Variants in STARD13 observed in about 807,000 individuals in gnomAD.
STARD13 encodes the protein StAR related lipid transfer domain containing 13.
Under a neutral mutation model 106.4 loss-of-function variants are expected in STARD13, and 62 were observed. The observed-to-expected ratio is 0.58, with a 90% CI of 0.48 to 0.72. The LOEUF is 0.72. Ranked by LOEUF, STARD13 falls within the 30% of genes least tolerant of loss-of-function variation. The probability of loss-of-function intolerance (pLI) is 0.00; values close to 1 mark genes in which losing one functional copy is unlikely to be tolerated. For synonymous variants in STARD13, 565 were observed against 553.0 expected (o/e 1.02, Z -0.31); for missense variants, 1,387 against 1,424.0 (o/e 0.97, Z 0.42).
chr13:33,350,616 C>A (rs1309239978), exon 1 of STARD13: 1 of 1,381,550 alleles, frequency 7.2e-7, no homozygotes, highest in Admixed American at 3.2e-5. Flanking sequence ...ACCAGAAACG[C>A]CGCGCTAGGT....
At chr13:33,226,755 C>G (rs1419075568) in intron 1 of STARD13, among the ~76,000 whole-genome samples, 3 of 152,056 alleles carry the variant, frequency 2.0e-5, no homozygotes. Context: ...TTCTATTATT[C>G]AGATAAGAAC....
At chr13:33,660,615 C>T in the STARD13 span, among the ~76,000 whole-genome samples, 1 of 152,116 alleles carries the variant, frequency 6.6e-6, no homozygotes, top group African/African-American at 2.4e-5. Context: ...ACAAGATTTT[C>T]CTCTGTTGCC....
the STARD13 span, among the ~76,000 whole-genome samples, chr13:33,516,998 T>G: frequency 1.3e-5 from 2 of 151,884 alleles, no homozygotes; most frequent in Non-Finnish European, 2.9e-5. Flanking sequence ...GTAATTTTTG[T>G]GTGTTGATTA....
intron 1 of STARD13, among the ~76,000 whole-genome samples, chr13:33,217,378 C>T (rs1888103739): frequency 6.6e-6 from 1 of 152,208 alleles, no homozygotes; most frequent in Non-Finnish European, 1.5e-5. Context: ...CTTTCACCTC[C>T]ACTGCTTGGC....
At chr13:33,374,189 A>T in the STARD13 span, among the ~76,000 whole-genome samples, 2 of 152,336 alleles carry the variant, frequency 1.3e-5, no homozygotes, top group East Asian at 3.8e-4. Context: ...CTAGTCATAA[A>T]AGGAAAATAA....
chr13:33,607,042 AC>A, the STARD13 span, among the ~76,000 whole-genome samples: 1 of 150,128 alleles, frequency 6.7e-6, no homozygotes, highest in Admixed American at 6.6e-5. Context: ...TTGTCACGTG[AC>A]CTAGCATTTC....
chr13:33,542,996 C>T, the STARD13 span, among the ~76,000 whole-genome samples: 1 of 152,232 alleles, frequency 6.6e-6, no homozygotes, highest in Non-Finnish European at 1.5e-5. Context: ...TGTGGCGACT[C>T]TGAAGCGGAA....
the STARD13 span, among the ~76,000 whole-genome samples, chr13:33,553,583 C>CTT: frequency 7.1e-5 from 10 of 140,348 alleles, no homozygotes; most frequent in African/African-American, 1.0e-4. Flanking sequence ...AAACTAAGCA[C>CTT]TTTTTTTTTT....
rs1049659254 is a variant in STARD13, at chr13:33,118,126, C to G, written c.2220G>C (p.Arg740=). The G allele has an allele frequency of 2.5e-6, 4 of 1,614,020 alleles. No individual in the cohort carries two copies. Among genetic ancestry groups the G allele is most frequent in the Non-Finnish European group, 3.4e-6 (4 of 1,180,044 alleles). Residue 740 remains arginine, a synonymous_variant, in exon 8 of 14, where the codon CGG becomes CGC. Coordinates refer to ENST00000336934, the MANE Select transcript of STARD13 (RefSeq NM_178006.4). ...DVADMVKQFF[R]DLPEPLFTNK... is the part of the protein sequence containing the mutation. ...TGGTGAAAAGAGGCTCAGGGAGGTCCCGGAAGAACTGTTTCACCATATCCG... is the reference window on the plus strand; with the variant it reads ...TGGTGAAAAGAGGCTCAGGGAGGTCGCGGAAGAACTGTTTCACCATATCCG...
At chr13:33,450,110 C>T in the STARD13 span, among the ~76,000 whole-genome samples, 1 of 152,120 alleles carries the variant, frequency 6.6e-6, no homozygotes, top group Non-Finnish European at 1.5e-5. Context: ...GCTAGGACTT[C>T]CAGGACTATG....
At chr13:33,403,462 C>T in the STARD13 span, among the ~76,000 whole-genome samples, 2 of 152,064 alleles carry the variant, frequency 1.3e-5, no homozygotes, top group Non-Finnish European at 2.9e-5. Context: ...TAAATCATCC[C>T]CAAAACTGTT....
intron 7 of STARD13, 95 bp from the exon 8 acceptor site, chr13:33,118,358 C>A (rs1205547934): frequency 3.9e-6 from 4 of 1,027,424 alleles, no homozygotes; most frequent in Non-Finnish European, 4.6e-6. Context: ...GCTGGAATTG[C>A]CTCCCAATTA....
In STARD13 at chr13:33,110,846, G is replaced by C. The variant is rs139846642; in HGVS notation, c.2669C>G (p.Pro890Arg). Residue 890 changes from proline (P) to arginine (R), a missense_variant, in exon 11 of 14, where the codon CCA (proline) becomes CGA (arginine). Physicochemically the swap from Pro to Arg is moderately radical, Grantham distance 103. Coordinates refer to ENST00000336934, the MANE Select transcript of STARD13 (RefSeq NM_178006.4). ...NSYVEAEIHVPTLEELGTQLE... is the reference protein window; with the variant it reads ...NSYVEAEIHVRTLEELGTQLE... ...CTGTGTCCCCAATTCTTCCAGGGTTGGCACGTGGATCTCAGCCTCCACATA... is the reference window on the plus strand; with the variant it reads ...CTGTGTCCCCAATTCTTCCAGGGTTCGCACGTGGATCTCAGCCTCCACATA... 6.2e-7 allele frequency: 1 copy of C among 1,613,922 alleles called. No homozygotes were observed. Among genetic ancestry groups the C allele is most frequent in the African/African-American group, 1.3e-5 (1 of 74,924 alleles).
At chr13:33,574,071 G>T in the STARD13 span, among the ~76,000 whole-genome samples, 2 of 152,140 alleles carry the variant, frequency 1.3e-5, no homozygotes, top group African/African-American at 4.8e-5. Context: ...CATGATCCTT[G>T]CCTAAAAACA....
intron 1 of STARD13, among the ~76,000 whole-genome samples, chr13:33,258,989 A>G (rs1384762985): frequency 1.3e-5 from 2 of 152,244 alleles, no homozygotes; most frequent in African/African-American, 2.4e-5. Context: ...GTCAACAGGA[A>G]CATTGCCTAA....
intron 1 of STARD13, among the ~76,000 whole-genome samples, chr13:33,204,709 A>G (rs1003328886): frequency 1.3e-5 from 2 of 152,254 alleles, no homozygotes; most frequent in African/African-American, 4.8e-5. Flanking sequence ...GAAATCAATC[A>G]GCAAGGATTT....
At position 33,285,674 on chromosome 13, in the gene STARD13, G is replaced by A. The variant is rs1278589550; in HGVS notation, c.-36C>T. 2.5e-6 allele frequency: 4 copies of A among 1,607,376 alleles called. No individual in the cohort carries two copies. The highest frequency in any genetic ancestry group is 2.5e-6 in the Non-Finnish European group (3 of 1,177,628). Reference sequence around the variant, plus strand: ...TTCCTATTGCCACCTCAGTCTGCCTGTGGCTGTTGCCGTCTGTCTCCAGTC... The same window carrying A: ...TTCCTATTGCCACCTCAGTCTGCCTATGGCTGTTGCCGTCTGTCTCCAGTC... On this transcript the variant is annotated 5_prime_UTR_variant, in exon 1 of 14. Coordinates refer to ENST00000336934, the MANE Select transcript of STARD13 (RefSeq NM_178006.4).
chr13:33,668,780 A>G, the STARD13 span, among the ~76,000 whole-genome samples: 2 of 152,184 alleles, frequency 1.3e-5, no homozygotes, highest in Non-Finnish European at 2.9e-5. Context: ...TCATAATTGC[A>G]TCTAGCCCTG....
the STARD13 span, among the ~76,000 whole-genome samples, chr13:33,380,289 C>T: frequency 1.3e-5 from 2 of 151,968 alleles, no homozygotes; most frequent in Non-Finnish European, 2.9e-5. Context: ...GTGGCGGGCG[C>T]CTGTAGTCCC....
Sources: gnomAD v4.1 joint callset for allele counts (sites outside exome capture counted in the v4.1 genomes callset) on GRCh38, gnomAD v4.1.1 for gene constraint, MANE v1.5 for transcripts, NCBI Gene and HGNC (gene_info 2026-07-23, HGNC 2026-07-21) for gene names.